Variants in B4GALT5 observed in about 807,000 individuals in gnomAD.
The protein encoded by B4GALT5 is beta-1,4-galactosyltransferase 5, also known as UDP-Gal:beta-GlcNAc beta-1,4-galactosyltransferase 5.
Under a neutral mutation model 45.0 loss-of-function variants are expected in B4GALT5, and 11 were observed. The observed-to-expected ratio is 0.24, with a 90% CI of 0.15 to 0.40. The LOEUF (loss-of-function observed/expected upper bound fraction) is 0.40. Among genes scored for constraint, B4GALT5 ranks in the 10% least tolerant of loss-of-function variants. The probability of loss-of-function intolerance (pLI) is 1.00; values close to 1 mark genes in which losing one functional copy is unlikely to be tolerated. For synonymous variants in B4GALT5, 185 were observed against 182.9 expected (o/e 1.01, Z -0.09); for missense variants, 337 against 500.2 (o/e 0.67, Z 3.11).
chr20:49,655,796 G>C (rs1257706020), intron 2 of B4GALT5, among the ~76,000 whole-genome samples: 2 of 151,910 alleles, frequency 1.3e-5, no homozygotes, highest in African/African-American at 4.8e-5. Flanking sequence ...AGGCATGGTG[G>C]CATGCTCCTG....
At chr20:49,656,207 A>G (rs1216660379) in intron 2 of B4GALT5, among the ~76,000 whole-genome samples, 3 of 152,014 alleles carry the variant, frequency 2.0e-5, no homozygotes, top group African/African-American at 4.8e-5. Flanking sequence ...CTCACCATAC[A>G]CACAGGCTTC....
At chr20:49,667,935 G>A (rs932768463) in intron 1 of B4GALT5, among the ~76,000 whole-genome samples, 6 of 152,076 alleles carry the variant, frequency 3.9e-5, no homozygotes, top group African/African-American at 7.2e-5. Flanking sequence ...AGAAAATACA[G>A]CTTTTTTAAG....
intron 1 of B4GALT5, among the ~76,000 whole-genome samples, chr20:49,696,112 G>A (rs909871754): frequency 5.3e-5 from 8 of 152,188 alleles, no homozygotes; most frequent in Admixed American, 5.2e-4. Flanking sequence ...TGTGACCAGG[G>A]TAGCCCAACT....
chr20:49,693,250 A>G (rs2085824029), intron 1 of B4GALT5, among the ~76,000 whole-genome samples: 1 of 152,218 alleles, frequency 6.6e-6, no homozygotes, highest in African/African-American at 2.4e-5. Context: ...ATAATCTCCC[A>G]ATAGTCAGAA....
At chr20:49,697,575 C>CT (rs11475400) in intron 1 of B4GALT5, among the ~76,000 whole-genome samples, 12,048 of 143,602 alleles carry the variant, frequency 0.084, 548 homozygotes, top group Middle Eastern at 0.15. Flanking sequence ...GGGACATGTC[C>CT]TTTTTTTTTT....
At chr20:49,712,940 G>A (rs1294756644) in intron 1 of B4GALT5, among the ~76,000 whole-genome samples, 1 of 151,748 alleles carries the variant, frequency 6.6e-6, no homozygotes, top group Non-Finnish European at 1.5e-5. Flanking sequence ...CCACCGGCAG[G>A]CAGAGAGATC....
At chr20:49,664,437 C>T (rs868235531) in intron 1 of B4GALT5, among the ~76,000 whole-genome samples, 1 of 147,500 alleles carries the variant, frequency 6.8e-6, no homozygotes, top group African/African-American at 2.6e-5. Flanking sequence ...CACACACACA[C>T]ACACACACAC....
At position 49,637,522 on chromosome 20, in the gene B4GALT5, A is replaced by G. The variant is rs1196764393; in HGVS notation, c.918-80T>C. 4.0e-6 allele frequency: 4 copies of G among 1,009,732 alleles called. No individual in the cohort carries two copies. The East Asian group carries it at 9.6e-5, about 24-fold the overall frequency. 62.5% of individuals were successfully genotyped at this position (1,009,732 alleles called of 1,614,324 possible). A position where few individuals can be genotyped will look rare whatever the true frequency, so the allele number is the denominator to read the frequency against. On this transcript the variant is annotated intron_variant, in intron 7 of 8. Transcript: ENST00000371711. ...GACCAAAGCCTACAAGACATGTTAC[A>G]AGCTTACCCTGGAAATCACACACAG...
At chr20:49,689,091 T>C (rs1409348720) in intron 1 of B4GALT5, among the ~76,000 whole-genome samples, 3 of 152,172 alleles carry the variant, frequency 2.0e-5, no homozygotes, top group African/African-American at 7.2e-5. Context: ...CAGATTTGTA[T>C]TGAGTGCTAG....
chr20:49,682,722 C>A (rs1488908011), intron 1 of B4GALT5, among the ~76,000 whole-genome samples: 1 of 152,028 alleles, frequency 6.6e-6, no homozygotes, highest in Non-Finnish European at 1.5e-5. Context: ...AGTTTGCCTA[C>A]CACATAGCAG....
At position 49,639,571 on chromosome 20, in the gene B4GALT5, A is replaced by C. The variant is rs997149929; in HGVS notation, c.917+107T>G. On this transcript the variant is annotated intron_variant, in intron 7 of 8. Coordinates refer to ENST00000371711, the MANE Select transcript of B4GALT5 (RefSeq NM_004776.4). The stretch of plus-strand genomic sequence containing the variant: ...TAACCTTTTAAACTGTAGCTACTAG[A>C]ACATGTTAAATTACACACATGGCTT... 4 of 1,473,000 alleles carry C rather than the reference A, an allele frequency of 2.7e-6. No homozygotes were observed. The African/African-American group carries it at 5.7e-5, about 21-fold the overall frequency. The allele number at this position is 1,473,000 out of a possible 1,614,324, so 91.2% of individuals were successfully genotyped here. A position where few individuals can be genotyped will look rare whatever the true frequency, so the allele number is the denominator to read the frequency against.
In B4GALT5 at chr20:49,706,188, A is replaced by G. The variant is rs1600559398; in HGVS notation, c.115+7388T>C. On this transcript the variant is annotated intron_variant, in intron 1 of 8. Coordinates refer to ENST00000371711, the MANE Select transcript of B4GALT5 (RefSeq NM_004776.4). ...CCAGTCTGGGCAACAAGAGAGCGAA[A>G]CTCCATCTCAAAAAAAAAAAAAAAA... is the stretch of plus-strand genomic sequence containing the variant. Among the ~76,000 whole-genome samples the G allele has an allele frequency of 2.5e-5, 3 of 119,568 alleles. No homozygotes were observed. The Admixed American group carries it at 2.6e-4, about 10-fold the overall frequency. 78.4% of individuals were successfully genotyped at this position (119,568 alleles called of 152,430 possible).
At chr20:49,679,541 T>A (rs374808598) in intron 1 of B4GALT5, among the ~76,000 whole-genome samples, 2 of 149,808 alleles carry the variant, frequency 1.3e-5, no homozygotes, top group African/African-American at 4.9e-5. Flanking sequence ...CCAGGCGTGG[T>A]GGCATGCACC....
chr20:49,636,196 C>T lies in B4GALT5; in HGVS notation c.*116G>A. On this transcript the variant is annotated 3_prime_UTR_variant, in exon 9 of 9. Transcript: ENST00000371711. ...TTTCCCCCTGAACTCTGTGATCCTT[C>T]ATGAGACACAGTATTTCTGTTCTCT... is the stretch of plus-strand genomic sequence containing the variant. 2 of 1,336,700 alleles carry T rather than the reference C, an allele frequency of 1.5e-6. No homozygotes were observed. Among genetic ancestry groups the T allele is most frequent in the African/African-American group, 2.9e-5 (2 of 68,218 alleles). The allele number at this position is 1,336,700 out of a possible 1,614,324, so 82.8% of individuals were successfully genotyped here.
Position 49,662,260 on chromosome 20 carries a change from T to C in B4GALT5, c.116-5558A>G, listed in dbSNP as rs1043740176. ...CAATCTGTATCTCACCCCCAACATA[T>C]GCAAACATACAACACACACACACTC... On this transcript the variant is annotated intron_variant, in intron 1 of 8. Transcript: ENST00000371711. 2.0e-4 allele frequency among the ~76,000 whole-genome samples: 31 copies of C among 152,226 alleles called. 1 individual carries two copies. The highest frequency in any genetic ancestry group is 6.7e-4 in the African/African-American group (28 of 41,536).
chr20:49,646,143 T>G (rs1283555277), intron 3 of B4GALT5, among the ~76,000 whole-genome samples: 2 of 152,236 alleles, frequency 1.3e-5, no homozygotes, highest in Non-Finnish European at 2.9e-5. Context: ...AGGCTGCAGT[T>G]TTTTTTAAAA....
At chr20:49,648,234 T>G (rs1435083245) in intron 2 of B4GALT5, among the ~76,000 whole-genome samples, 1 of 152,204 alleles carries the variant, frequency 6.6e-6, no homozygotes, top group African/African-American at 2.4e-5. Flanking sequence ...GGTAGAGTCC[T>G]GACTATAAAC....
chr20:49,656,848 T>TTTTCCATAAC (rs2123018980), intron 1 of B4GALT5, 146 bp from the exon 2 acceptor site: 1 of 1,049,702 alleles, frequency 9.5e-7, no homozygotes, highest in Non-Finnish European at 1.4e-6. Flanking sequence ...CATAACTCTA[T>TTTTCCATAAC]TTTCCATACC....
rs1292653455 is a variant in B4GALT5, at chr20:49,642,442, A to G, written c.606+26T>C. 5.9e-6 allele frequency: 9 copies of G among 1,530,874 alleles called. No homozygotes were observed. The Admixed American group carries it at 8.8e-5, about 15-fold the overall frequency. The allele number at this position is 1,530,874 out of a possible 1,614,324, so 94.8% of individuals were successfully genotyped here. A position where few individuals can be genotyped will look rare whatever the true frequency, so the allele number is the denominator to read the frequency against. The stretch of plus-strand genomic sequence containing the variant: ...AAACTGCTGTCTCAGAAGAGAAAAA[A>G]GAAAGGAAAAGAAAGGACTACTCAC... On this transcript the variant is annotated intron_variant, in intron 5 of 8. Transcript: ENST00000371711.
Sources: gnomAD v4.1 joint callset for allele counts (sites outside exome capture counted in the v4.1 genomes callset) on GRCh38, gnomAD v4.1.1 for gene constraint, MANE v1.5 for transcripts, NCBI Gene and HGNC (gene_info 2026-07-23, HGNC 2026-07-21) for gene names.